Variants in ABHD2 observed in about 807,000 individuals in gnomAD.
The protein encoded by ABHD2 is monoacylglycerol lipase ABHD2.
ABHD2 carries 20 observed loss-of-function variants against 48.1 expected under a neutral mutation model. The ratio of observed to expected loss-of-function variants is 0.42; its 90% CI spans 0.29 to 0.60. The LOEUF is 0.60. Among genes scored for constraint, ABHD2 ranks in the 20% least tolerant of loss-of-function variants. The pLI is 0.24. For synonymous variants in ABHD2, 209 were observed against 214.2 expected, an observed-to-expected ratio of 0.98 and a Z score of 0.21; for missense variants, 405 against 550.9, an observed-to-expected ratio of 0.74 and a Z score of 2.65.
At chr15:89,190,046 T>A (rs1228341881) in intron 8 of ABHD2, among the ~76,000 whole-genome samples, 1 of 152,172 alleles carries the variant, frequency 6.6e-6, no homozygotes, top group African/African-American at 2.4e-5. Context: ...ATCTCTACAC[T>A]TGGCCTCCAC....
rs994448935 is a variant in ABHD2 at position 89,189,652 on chromosome 15, C to T, written c.926+1349C>T. Among the ~76,000 whole-genome samples, 7 of 152,168 alleles carry T rather than the reference C, an allele frequency of 4.6e-5. No homozygotes were observed. Among genetic ancestry groups the T allele is most frequent in the African/African-American group, 7.2e-5 (3 of 41,432 alleles). On this transcript the variant is annotated intron_variant, in intron 8 of 10. Transcript: ENST00000352732. This position sits in a 1 kb window ranked among gnomAD's most constrained non-coding sequence, Gnocchi z 4.9. ...TTAGTAGCCTTCTTACACCAAGTAA[C>T]GTTGAAATATGCCTGCTAACAGTTT...
intron 6 of ABHD2, among the ~76,000 whole-genome samples, chr15:89,181,643 C>T (rs931775197): frequency 2.0e-5 from 3 of 152,206 alleles, no homozygotes; most frequent in African/African-American, 7.2e-5. Flanking sequence ...TCTCAGCACT[C>T]TGAGACATAA....
intron 3 of ABHD2, among the ~76,000 whole-genome samples, chr15:89,145,733 A>C (rs1023962646): frequency 3.3e-5 from 5 of 152,188 alleles, no homozygotes; most frequent in African/African-American, 1.2e-4. Flanking sequence ...AATTGAAGGC[A>C]TCCCTTTTAG....
Position 89,137,179 on chromosome 15 carries a change from C to A in ABHD2, c.195-14498C>A, listed in dbSNP as rs1440816466. 6.6e-6 allele frequency among the ~76,000 whole-genome samples: 1 copy of A among 152,076 alleles called. No individual in the cohort carries two copies. Among genetic ancestry groups the A allele is most frequent in the Non-Finnish European group, 1.5e-5 (1 of 68,022 alleles). On this transcript the variant is annotated intron_variant, in intron 3 of 10. Transcript: ENST00000352732. This position sits in a 1 kb window ranked among gnomAD's most constrained non-coding sequence, Gnocchi z 4.8. ...CTGGAGCTTCTTAATAAACTGCCTC[C>A]CTACTTAAAGCATGGTGTCAAAACC...
intron 3 of ABHD2, chr15:89,135,535 G>T (rs2050294000): frequency 2.2e-6 from 3 of 1,363,426 alleles, no homozygotes; most frequent in Non-Finnish European, 3.1e-6. Flanking sequence ...AACTACACTA[G>T]AACCAACTTA....
At chr15:89,122,802 C>T (rs568023633) in intron 3 of ABHD2, among the ~76,000 whole-genome samples, 61 of 152,330 alleles carry the variant, frequency 4.0e-4, no homozygotes, top group African/African-American at 9.4e-4. Context: ...CTTTTTCACT[C>T]GTTAGCAAGC....
chr15:89,095,904 C>T (rs760257162), intron 1 of ABHD2, among the ~76,000 whole-genome samples: 4 of 152,178 alleles, frequency 2.6e-5, no homozygotes, highest in Non-Finnish European at 4.4e-5. Flanking sequence ...GGTGCACCCA[C>T]GTCGTCTCAG....
chr15:89,174,712 C>A lies in ABHD2; in HGVS notation c.539-1100C>A, dbSNP rs775848713. 1.7e-4 allele frequency among the ~76,000 whole-genome samples: 26 copies of A among 152,184 alleles called. No homozygotes were observed. The highest frequency in any genetic ancestry group is 3.4e-4 in the Non-Finnish European group (23 of 68,034). On this transcript the variant is annotated intron_variant, in intron 5 of 10. Coordinates refer to ENST00000352732, the MANE Select transcript of ABHD2 (RefSeq NM_152924.5). The surrounding 1 kb of genome is among the most constrained non-coding windows in gnomAD (Gnocchi z 4.1). ...GCCAGTCTATTTTGTATGTGCTTTG[C>A]GTCGACATCCCTATCTTTCCATGTT...
At chr15:89,138,586 G>C (rs958774911) in intron 3 of ABHD2, among the ~76,000 whole-genome samples, 5 of 152,188 alleles carry the variant, frequency 3.3e-5, no homozygotes, top group African/African-American at 1.2e-4. Flanking sequence ...CTAACAAGAA[G>C]TCAGTTACAG....
intron 3 of ABHD2, among the ~76,000 whole-genome samples, chr15:89,144,576 A>C (rs2050461939): frequency 6.6e-6 from 1 of 152,270 alleles, no homozygotes; most frequent in African/African-American, 2.4e-5. Flanking sequence ...TGCTAAGTGA[A>C]AAATCCCAAG....
rs1055607372 is a variant in ABHD2 at position 89,116,617 on chromosome 15, G to T, written c.194+96G>T. 84 of 1,322,042 alleles carry T rather than the reference G, an allele frequency of 6.4e-5. No individual in the cohort carries two copies. The highest frequency in any genetic ancestry group is 8.5e-5 in the Non-Finnish European group (82 of 959,768). 81.9% of individuals were successfully genotyped at this position (1,322,042 alleles called of 1,614,324 possible). A position where few individuals can be genotyped will look rare whatever the true frequency, so the allele number is the denominator to read the frequency against. The stretch of plus-strand genomic sequence containing the variant: ...AAACTTCTCTCATCGTGTCCTTAAG[G>T]CATCAATGGGATATGACGTCACTGG... On this transcript the variant is annotated intron_variant, in intron 3 of 10. Transcript: ENST00000352732. This position sits in a 1 kb window ranked among gnomAD's most constrained non-coding sequence, Gnocchi z 4.6.
intron 3 of ABHD2, among the ~76,000 whole-genome samples, chr15:89,118,603 T>G (rs1013686048): frequency 6.6e-6 from 1 of 152,162 alleles, no homozygotes; most frequent in African/African-American, 2.4e-5. Context: ...AGAGAGCTCT[T>G]GAAAACCAAA....
chr15:89,053,442 AC>A, the ABHD2 span, among the ~76,000 whole-genome samples: 2 of 152,326 alleles, frequency 1.3e-5, no homozygotes, highest in East Asian at 3.9e-4. Flanking sequence ...CAGGCCAGGG[AC>A]CCTTATAGAA....
At chr15:89,069,932 G>T in the ABHD2 span, among the ~76,000 whole-genome samples, 1 of 151,860 alleles carries the variant, frequency 6.6e-6, no homozygotes, top group Non-Finnish European at 1.5e-5. Context: ...CACCTGCCTC[G>T]ACCTCCCAAA....
chr15:89,157,844 A>C (rs1462287661), intron 5 of ABHD2, among the ~76,000 whole-genome samples: 1 of 152,056 alleles, frequency 6.6e-6, no homozygotes. Flanking sequence ...CTCCATCTCA[A>C]AAAATTAAAA....
the ABHD2 span, among the ~76,000 whole-genome samples, chr15:89,064,895 A>G: frequency 6.6e-6 from 1 of 152,164 alleles, no homozygotes; most frequent in Non-Finnish European, 1.5e-5. Flanking sequence ...GAAATAGAGT[A>G]TTCTCAGAAC....
rs113838278 is a variant in ABHD2 at position 89,129,038 on chromosome 15, G to T, written c.194+12517G>T. Among the ~76,000 whole-genome samples the T allele has an allele frequency of 4.7e-3, 719 of 152,320 alleles. 5 individuals are homozygous for T. The highest frequency in any genetic ancestry group is 0.016 in the African/African-American group (665 of 41,574). ...GGTTGAGAGAATAGAATCATTGACA[G>T]AAATAGGGAAGTCTAATGGGGAAGC... On this transcript the variant is annotated intron_variant, in intron 3 of 10. Transcript: ENST00000352732.
At chr15:89,178,912 AG>A (rs1203432026) in intron 6 of ABHD2, among the ~76,000 whole-genome samples, 1 of 152,226 alleles carries the variant, frequency 6.6e-6, no homozygotes, top group Non-Finnish European at 1.5e-5. Context: ...TTCTTTCCCA[AG>A]AAAGCCCTCA....
chr15:89,054,894 T>G, the ABHD2 span, among the ~76,000 whole-genome samples: 1 of 152,202 alleles, frequency 6.6e-6, no homozygotes, highest in Non-Finnish European at 1.5e-5. Flanking sequence ...TGTCATTATA[T>G]GTAGTGGGTA....
Sources: gnomAD v4.1 joint callset for allele counts (sites outside exome capture counted in the v4.1 genomes callset) on GRCh38, gnomAD v4.1.1 for gene constraint, Gnocchi (gnomAD v3.1) non-coding constraint, MANE v1.5 for transcripts, NCBI Gene and HGNC (gene_info 2026-07-23, HGNC 2026-07-21) for gene names.